Variants in CPM observed in about 807,000 individuals in gnomAD.
CPM encodes the protein carboxypeptidase M, also known as renal carboxypeptidase.
In CPM, 35 loss-of-function variants were observed where a neutral mutation model predicts 46.4. That is an observed-to-expected ratio of 0.75 (90% CI 0.58 to 1.00). The LOEUF (loss-of-function observed/expected upper bound fraction) is 1.00, where lower values mean the gene tolerates loss of function less well. CPM is among the 50% of genes least tolerant of loss of function. The pLI, the probability that CPM is intolerant of heterozygous loss-of-function variation, is 0.00. For synonymous variants in CPM, 195 were observed against 195.3 expected (o/e 1.00, Z 0.01); for missense variants, 422 against 530.4 (o/e 0.80, Z 2.01).
At chr12:68,879,114 G>C (rs1886080869) in intron 3 of CPM, among the ~76,000 whole-genome samples, 1 of 152,178 alleles carries the variant, frequency 6.6e-6, no homozygotes, top group Non-Finnish European at 1.5e-5. Flanking sequence ...CTTGGACCCA[G>C]GTGTTTGAGG....
chr12:68,927,692 T>C lies in CPM; in HGVS notation c.160+4986A>G, dbSNP rs543945987. Among the ~76,000 whole-genome samples, 10 of 152,288 alleles carry C rather than the reference T, an allele frequency of 6.6e-5. No homozygotes were observed. The South Asian group carries it at 2.1e-3, about 32-fold the overall frequency. On this transcript the variant is annotated intron_variant, in intron 2 of 8. Transcript: ENST00000551568. Reference sequence around the variant, plus strand: ...AGGTTTTCTTCTAGGGTTTTTATGGTTTTAGGTCTAACGTTTAAGTCTTAC... The same window carrying C: ...AGGTTTTCTTCTAGGGTTTTTATGGCTTTAGGTCTAACGTTTAAGTCTTAC...
intron 2 of CPM, among the ~76,000 whole-genome samples, chr12:68,929,951 A>C (rs932455476): frequency 2.0e-5 from 3 of 152,256 alleles, no homozygotes; most frequent in Non-Finnish European, 4.4e-5. Context: ...ACATATATTT[A>C]AGTTTTTACA....
upstream of CPM, among the ~76,000 whole-genome samples, chr12:68,936,531 C>A (rs1285186696): frequency 6.6e-6 from 1 of 152,014 alleles, no homozygotes; most frequent in East Asian, 1.9e-4. Flanking sequence ...TTACAGGTGC[C>A]CACCACCACG....
chr12:68,949,821 T>C (rs1888906892), intron 1 of CPM, among the ~76,000 whole-genome samples: 1 of 152,200 alleles, frequency 6.6e-6, no homozygotes, highest in African/African-American at 2.4e-5. Context: ...ACTCAAATGA[T>C]GGCACCCAGA....
intron 2 of CPM, among the ~76,000 whole-genome samples, chr12:68,902,241 C>A (rs1443270987): frequency 2.0e-5 from 3 of 152,148 alleles, no homozygotes; most frequent in African/African-American, 2.4e-5. Context: ...TAATTAATTT[C>A]TGTAGCAAGG....
In CPM at chr12:68,928,042, A is replaced by G. The variant is rs1592704257; in HGVS notation, c.160+4636T>C. On this transcript the variant is annotated intron_variant, in intron 2 of 8. Transcript: ENST00000551568. The stretch of plus-strand genomic sequence containing the variant: ...CTACTTTAAAGTTCATATGGAACCA[A>G]AAAAGAGCCCGCATTGCCAAGTCAG... Among the ~76,000 whole-genome samples, 3 of 152,216 alleles carry G rather than the reference A, an allele frequency of 2.0e-5. No homozygotes were observed. In the East Asian group the frequency reaches 5.8e-4, roughly 29 times the overall value.
At chr12:68,943,951 AG>A (rs1322463547) in intron 1 of CPM, among the ~76,000 whole-genome samples, 2 of 152,126 alleles carry the variant, frequency 1.3e-5, no homozygotes, top group Admixed American at 6.5e-5. Context: ...AAAGAAAGGC[AG>A]GGGGAGTGTG....
At chr12:68,857,935 G>T (rs965977149) in intron 8 of CPM, among the ~76,000 whole-genome samples, 1 of 152,172 alleles carries the variant, frequency 6.6e-6, no homozygotes, top group African/African-American at 2.4e-5. Flanking sequence ...GATTCACAGT[G>T]AGTTGAGATT....
upstream of CPM, among the ~76,000 whole-genome samples, chr12:68,933,406 G>A (rs1888601441): frequency 6.6e-6 from 1 of 152,154 alleles, no homozygotes; most frequent in Admixed American, 6.5e-5. Context: ...CGGGCATGGA[G>A]TCGCCGCTCG....
intron 1 of CPM, among the ~76,000 whole-genome samples, chr12:68,948,406 C>T (rs1322235827): frequency 6.6e-6 from 1 of 151,960 alleles, no homozygotes; most frequent in Non-Finnish European, 1.5e-5. Context: ...AAAAGTAACC[C>T]CAAAATATTC....
At chr12:68,926,288 T>C (rs1463133384) in intron 2 of CPM, among the ~76,000 whole-genome samples, 1 of 152,192 alleles carries the variant, frequency 6.6e-6, no homozygotes, top group Non-Finnish European at 1.5e-5. Flanking sequence ...ATGTAATCAA[T>C]ATAAAACATT....
chr12:68,953,969 C>T (rs1888974749), intron 1 of CPM, among the ~76,000 whole-genome samples: 1 of 152,140 alleles, frequency 6.6e-6, no homozygotes, highest in Non-Finnish European at 1.5e-5. Flanking sequence ...ATCCATCAGG[C>T]GTGAGTTATT....
intron 1 of CPM, among the ~76,000 whole-genome samples, chr12:68,953,794 A>G (rs781090816): frequency 6.6e-5 from 10 of 152,238 alleles, no homozygotes; most frequent in Admixed American, 3.9e-4. Flanking sequence ...ATCAAATGGA[A>G]CATGATATGA....
intron 2 of CPM, among the ~76,000 whole-genome samples, chr12:68,926,879 C>T (rs1888286772): frequency 6.6e-6 from 1 of 152,194 alleles, no homozygotes; most frequent in Non-Finnish European, 1.5e-5. Flanking sequence ...CATGTCCCTA[C>T]AAAGGACATG....
chr12:68,898,019 T>C (rs1210452111), intron 2 of CPM, among the ~76,000 whole-genome samples: 1 of 120,270 alleles, frequency 8.3e-6, no homozygotes, highest in East Asian at 2.1e-4. Flanking sequence ...AATTTGTGTA[T>C]TTTTTTTTTT....
At chr12:68,883,213 A>C (rs1783890504) in intron 3 of CPM, among the ~76,000 whole-genome samples, 1 of 152,200 alleles carries the variant, frequency 6.6e-6, no homozygotes, top group Admixed American at 6.5e-5. Context: ...TACACCAAAA[A>C]AGGTTAAGAA....
At chr12:68,874,640 T>G (rs902713476) in intron 3 of CPM, among the ~76,000 whole-genome samples, 2 of 151,728 alleles carry the variant, frequency 1.3e-5, no homozygotes, top group African/African-American at 2.4e-5. Context: ...GTGAAAAAGA[T>G]CGTTGGTTTA....
chr12:68,935,252 TTGTTTG>T (rs1288749653), upstream of CPM, among the ~76,000 whole-genome samples: 3 of 21,902 alleles, frequency 1.4e-4, no homozygotes, highest in East Asian at 6.0e-3. Context: ...TATTGTTTGT[TTGTTTG>T]TTTGTTTGTT....
chr12:68,934,433 C>T (rs146676122), upstream of CPM, among the ~76,000 whole-genome samples: 350 of 152,212 alleles, frequency 2.3e-3, 2 homozygotes, highest in African/African-American at 7.9e-3. Flanking sequence ...CCTAGAATTG[C>T]GCACTCAGGA....
Sources: gnomAD v4.1 joint callset for allele counts (sites outside exome capture counted in the v4.1 genomes callset) on GRCh38, gnomAD v4.1.1 for gene constraint, MANE v1.5 for transcripts, NCBI Gene and HGNC (gene_info 2026-07-23, HGNC 2026-07-21) for gene names.